The following DCUN1D1 variants were observed in gnomAD, a reference collection of about 807,000 sequenced individuals.
The protein encoded by DCUN1D1 is DCN1-like protein 1.
Under a neutral mutation model 39.0 loss-of-function variants are expected in DCUN1D1, and 3 were observed. That is an observed-to-expected ratio of 0.08 (90% CI 0.04 to 0.20). The LOEUF is 0.20. DCUN1D1 is among the 10% of genes least tolerant of loss of function. The pLI is 1.00. For synonymous variants in DCUN1D1, 82 were observed against 96.3 expected (o/e 0.85, Z 0.87); for missense variants, 158 against 302.4 (o/e 0.52, Z 3.54).
intron 1 of DCUN1D1, among the ~76,000 whole-genome samples, chr3:182,968,438 T>C (rs1727777450): frequency 6.6e-6 from 1 of 152,186 alleles, no homozygotes; most frequent in Admixed American, 6.5e-5. Flanking sequence ...CATTCTACTA[T>C]ACTATTCCTA....
intron 6 of DCUN1D1, among the ~76,000 whole-genome samples, chr3:182,946,571 A>C (rs2108621872): frequency 6.6e-6 from 1 of 151,270 alleles, no homozygotes. Context: ...AAAAAAAAAA[A>C]AAAAAAAGTC....
At chr3:182,946,467 G>C (rs1037612326) in intron 6 of DCUN1D1, among the ~76,000 whole-genome samples, 4 of 143,748 alleles carry the variant, frequency 2.8e-5, no homozygotes, top group Non-Finnish European at 6.0e-5. Flanking sequence ...TGAGGCAGCA[G>C]AATCGCTTGA....
At chr3:182,972,888 C>T (rs931787656) in intron 1 of DCUN1D1, among the ~76,000 whole-genome samples, 2 of 152,068 alleles carry the variant, frequency 1.3e-5, no homozygotes, top group Non-Finnish European at 2.9e-5. Context: ...ACTAAGAATA[C>T]AAAATTAGCC....
chr3:182,947,918 A>C (rs17766121), intron 4 of DCUN1D1, among the ~76,000 whole-genome samples: 1 of 152,320 alleles, frequency 6.6e-6, no homozygotes, highest in East Asian at 1.9e-4. Flanking sequence ...GTAGCTCACA[A>C]AAGTGTTCAA....
Position 182,945,179 on chromosome 3 carries a change from A to G in DCUN1D1, c.701-6T>C. 1 of 1,592,196 alleles carries G rather than the reference A, an allele frequency of 6.3e-7. No homozygotes were observed. The highest frequency in any genetic ancestry group is 1.4e-5 in the African/African-American group (1 of 73,554). On this transcript the variant is annotated splice_polypyrimidine_tract_variant and splice_region_variant and intron_variant, in intron 6 of 6. Coordinates refer to ENST00000292782, the MANE Select transcript of DCUN1D1 (RefSeq NM_020640.4). ...AATAAGAACAGGCCATGCTCCTGGA[A>G]AAAAGAAAAAATATGAAAGAAAGAG...
intron 1 of DCUN1D1, among the ~76,000 whole-genome samples, chr3:182,978,976 A>C (rs1205619019): frequency 6.6e-6 from 1 of 152,204 alleles, no homozygotes; most frequent in Admixed American, 6.5e-5. Context: ...CACACATTTC[A>C]GCTGTGGCTG....
At chr3:182,959,880 G>A (rs1289476555) in intron 4 of DCUN1D1, among the ~76,000 whole-genome samples, 1 of 152,168 alleles carries the variant, frequency 6.6e-6, no homozygotes, top group Admixed American at 6.5e-5. Flanking sequence ...GTGAGTTCTT[G>A]CCAGAGGGAA....
intron 2 of DCUN1D1, among the ~76,000 whole-genome samples, chr3:182,964,396 G>T (rs1727557266): frequency 6.6e-6 from 1 of 152,078 alleles, no homozygotes; most frequent in Non-Finnish European, 1.5e-5. Flanking sequence ...TAGGCATTCT[G>T]AACAGAAATT....
At chr3:182,967,305 G>A (rs889898352) in intron 1 of DCUN1D1, among the ~76,000 whole-genome samples, 1 of 151,852 alleles carries the variant, frequency 6.6e-6, no homozygotes, top group African/African-American at 2.4e-5. Flanking sequence ...AAATCACTCA[G>A]GTTGTTATTA....
intron 4 of DCUN1D1, among the ~76,000 whole-genome samples, chr3:182,960,912 T>G (rs1035661758): frequency 1.3e-5 from 2 of 152,166 alleles, no homozygotes; most frequent in Non-Finnish European, 2.9e-5. Context: ...ATCTTCAGGG[T>G]CATGAATGAA....
chr3:182,984,982 C>G (rs1728680067), upstream of DCUN1D1, among the ~76,000 whole-genome samples: 1 of 152,110 alleles, frequency 6.6e-6, no homozygotes, highest in Non-Finnish European at 1.5e-5. Flanking sequence ...TCAATTTTGC[C>G]CAACATTTAC....
intron 1 of DCUN1D1, among the ~76,000 whole-genome samples, chr3:182,973,420 A>G (rs1184860084): frequency 1.3e-5 from 2 of 152,234 alleles, no homozygotes; most frequent in African/African-American, 4.8e-5. Context: ...ATCACAGACA[A>G]GAGGGTATTA....
chr3:182,947,479 T>C lies in DCUN1D1; in HGVS notation c.603+71A>G, dbSNP rs1726472972. 6 of 1,116,370 alleles carry C rather than the reference T, an allele frequency of 5.4e-6. No homozygotes were observed. In the South Asian group the frequency reaches 8.1e-5, roughly 15 times the overall value. 69.2% of individuals were successfully genotyped at this position (1,116,370 alleles called of 1,614,324 possible). On this transcript the variant is annotated intron_variant, in intron 5 of 6. Transcript: ENST00000292782. The stretch of plus-strand genomic sequence containing the variant: ...AATTTCTCATTCTATATCCAATACA[T>C]TATGTTAATTTATCTTTAAACATAG...
intron 1 of DCUN1D1, among the ~76,000 whole-genome samples, chr3:182,973,436 C>T (rs1043150746): frequency 7.2e-5 from 11 of 152,192 alleles, no homozygotes; most frequent in African/African-American, 2.7e-4. Flanking sequence ...TATTACTGTA[C>T]TACTAAGTCC....
At chr3:182,961,461 T>C in intron 3 of DCUN1D1, 105 bp from the exon 4 acceptor site, 1 of 1,066,530 alleles carries the variant, frequency 9.4e-7, no homozygotes, top group Non-Finnish European at 1.4e-6. Context: ...ACTACTTTTT[T>C]AAAAATCAAA....
In DCUN1D1 at chr3:182,939,425, A is replaced by G. The variant is rs1471985328; in HGVS notation, c.*5669T>C. On this transcript the variant is annotated 3_prime_UTR_variant, in exon 7 of 7. Coordinates refer to ENST00000292782, the MANE Select transcript of DCUN1D1 (RefSeq NM_020640.4). The stretch of plus-strand genomic sequence containing the variant: ...AATGTTCATAGCATTATTATTCGCA[A>G]TTTAAAAAAACTAATTGTAGGCCAG... 6.6e-6 allele frequency: 1 copy of G among 152,212 alleles called. No homozygotes were observed. Among genetic ancestry groups the G allele is most frequent in the Non-Finnish European group, 1.5e-5 (1 of 68,036 alleles). The allele number at this position is 152,212 out of a possible 1,614,324, so 9.4% of individuals were successfully genotyped here.
chr3:182,943,956 C>T lies in DCUN1D1; in HGVS notation c.*1138G>A, dbSNP rs1289779516. 3.9e-5 allele frequency: 6 copies of T among 152,474 alleles called. No homozygotes were observed. Among genetic ancestry groups the T allele is most frequent in the Non-Finnish European group, 7.4e-5 (5 of 67,988 alleles). 9.4% of individuals were successfully genotyped at this position (152,474 alleles called of 1,614,324 possible). On this transcript the variant is annotated 3_prime_UTR_variant, in exon 7 of 7. Transcript: ENST00000292782. ...TGCTCCTGAAGTAAATATTTGGCAA[C>T]CACAGTGATTAGCAGTTAAAGCAAT...
In DCUN1D1 at chr3:182,942,317, T is replaced by C. The variant is rs1323914369; in HGVS notation, c.*2777A>G. On this transcript the variant is annotated 3_prime_UTR_variant, in exon 7 of 7. Coordinates refer to ENST00000292782, the MANE Select transcript of DCUN1D1 (RefSeq NM_020640.4). ...TTCTTCCTAGAAAAGTTTTCAGGTA[T>C]ATTTTAAATCTATAAAAAAAATACA... 1 of 152,136 alleles carries C rather than the reference T, an allele frequency of 6.6e-6. No individual in the cohort carries two copies. The highest frequency in any genetic ancestry group is 1.5e-5 in the Non-Finnish European group (1 of 68,006). The allele number at this position is 152,136 out of a possible 1,614,324, so 9.4% of individuals were successfully genotyped here.
At chr3:182,980,362 A>T in intron 1 of DCUN1D1, 125 bp downstream of exon 1, 1 of 702,760 alleles carries the variant, frequency 1.4e-6, no homozygotes, top group Non-Finnish European at 1.8e-6. Flanking sequence ...TGGGAGCGGG[A>T]CGGAGGCCGC....
Sources: gnomAD v4.1 joint callset for allele counts (sites outside exome capture counted in the v4.1 genomes callset) on GRCh38, gnomAD v4.1.1 for gene constraint, MANE v1.5 for transcripts, NCBI Gene and HGNC (gene_info 2026-07-23, HGNC 2026-07-21) for gene names.